Variants in NACAD observed in about 807,000 individuals in gnomAD.
The protein encoded by NACAD is NAC alpha domain containing, also known as NAC-alpha domain-containing protein 1.
In NACAD, 47 loss-of-function variants were observed where a neutral mutation model predicts 98.9. The ratio of observed to expected loss-of-function variants is 0.48; its 90% CI spans 0.38 to 0.61. The LOEUF (loss-of-function observed/expected upper bound fraction) is 0.61. Among genes scored for constraint, NACAD ranks in the 20% least tolerant of loss-of-function variants. The pLI is 0.00. For synonymous variants in NACAD, 696 were observed against 767.2 expected (o/e 0.91, Z 1.53); for missense variants, 1,412 against 1,748.2 (o/e 0.81, Z 3.43).
At position 45,085,560 on chromosome 7, in the gene NACAD, T is replaced by C. The variant is rs1282823500; in HGVS notation, c.620A>G (p.Glu207Gly). The change falls in exon 2 of 8, where the codon GAG (glutamate) becomes GGG (glycine). Residue 207 changes from glutamate (E) to glycine (G), a missense_variant. Physicochemically the swap from Glu to Gly is moderately conservative, Grantham distance 98. Transcript: ENST00000490531. The surrounding 1 kb of genome is among the most constrained non-coding windows in gnomAD (Gnocchi z 6.1). ...TGAGGCGGGGGGCGAGTCCAGCAGC[T>C]CATCCCGCAGCTCAGCCTCTGAGTC... ...ARDSEAELRD[E>G]LLDSPPASPS... 6.5e-7 allele frequency: 1 copy of C among 1,549,860 alleles called. No individual in the cohort carries two copies. Among genetic ancestry groups the C allele is most frequent in the Non-Finnish European group, 8.7e-7 (1 of 1,146,782 alleles).
At chr7:45,086,653 T>TG (rs755464921) in intron 1 of NACAD, among the ~76,000 whole-genome samples, 15 of 152,354 alleles carry the variant, frequency 9.8e-5, no homozygotes, top group South Asian at 2.1e-4. Flanking sequence ...TACCTACACT[T>TG]GAGGCCAACA....
Position 45,080,968 on chromosome 7 carries a change from G to A in NACAD, c.4459C>T (p.Pro1487Ser). Residue 1487 changes from proline to serine, a missense_variant, in exon 6 of 8, where the codon CCC (proline) becomes TCC (serine). Pro to Ser is a moderately conservative substitution (Grantham distance 74). Transcript: ENST00000490531. Reference sequence around the variant, plus strand: ...GGGACCAAGGCTGAGGGCTCTGAGGGCACCTTAAACTTCTCAGCTGCGGCT... The same window carrying A: ...GGGACCAAGGCTGAGGGCTCTGAGGACACCTTAAACTTCTCAGCTGCGGCT... The part of the protein sequence containing the change: ...HKAAAEKFKV[P>S]SEPSALVPES... The A allele has an allele frequency of 6.4e-7, 1 of 1,552,018 alleles. No homozygotes were observed. Among genetic ancestry groups the A allele is most frequent in the Non-Finnish European group, 8.7e-7 (1 of 1,147,168 alleles).
rs765306074 is a variant in NACAD at position 45,081,804 on chromosome 7, A to T, written c.4136T>A (p.Leu1379Gln). ...SDSHGESSAE[L>Q]DEQDILAPQT... Reference sequence around the variant, plus strand: ...AGGAGCCAAGATGTCCTGCTCGTCCAGCTCGGCTGATGACTCCCCGTGGCT... The same window carrying T: ...AGGAGCCAAGATGTCCTGCTCGTCCTGCTCGGCTGATGACTCCCCGTGGCT... Residue 1379 changes from leucine (L) to glutamine (Q), a missense_variant, in exon 3 of 8, where the codon CTG (leucine) becomes CAG (glutamine). Leu to Gln is a moderately radical substitution (Grantham distance 113). Transcript: ENST00000490531. 4 of 1,550,566 alleles carry T rather than the reference A, an allele frequency of 2.6e-6. No individual in the cohort carries two copies. The South Asian group carries it at 4.8e-5, about 18-fold the overall frequency.
At chr7:45,081,413 C>T in intron 4 of NACAD, 150 bp from the exon 5 acceptor site, 1 of 1,268,624 alleles carries the variant, frequency 7.9e-7, no homozygotes, top group Non-Finnish European at 1.1e-6. Flanking sequence ...GAGCCTCAGT[C>T]TATAAGGGCC....
chr7:45,082,438 G>A lies in NACAD; in HGVS notation c.3742C>T (p.Pro1248Ser), dbSNP rs1183791327. The A allele has an allele frequency of 1.3e-6, 2 of 1,548,940 alleles. No individual in the cohort carries two copies. The highest frequency in any genetic ancestry group is 1.7e-6 in the Non-Finnish European group (2 of 1,146,556). Residue 1248 changes from proline (P) to serine (S), a missense_variant, in exon 2 of 8, where the codon CCC becomes TCC. By Grantham distance (74) the Pro-to-Ser change is moderately conservative. Around this residue, in one of 5 missense-constraint regions of NACAD, gnomAD observed 572 missense variants for 639.6 expected, o/e 0.89. Transcript: ENST00000490531. This position sits in a 1 kb window ranked among gnomAD's most constrained non-coding sequence, Gnocchi z 4.5. The part of the protein sequence containing the change: ...AALPPLEPPA[P>S]CLCQDPQEDS... ...TCCTGGGGGTCCTGGCACAGGCAGG[G>A]GGCTGGGGGCTCCAGTGGGGGTAGG...
In NACAD at chr7:45,085,515, G is replaced by T; in HGVS notation, c.665C>A (p.Thr222Lys). 1.3e-6 allele frequency: 2 copies of T among 1,550,794 alleles called. No individual in the cohort carries two copies. The highest frequency in any genetic ancestry group is 1.7e-6 in the Non-Finnish European group (2 of 1,146,946). The stretch of plus-strand genomic sequence containing the variant: ...AGAGGCCCAGCTGTCCCCATCGGCC[G>T]TAATGTAGGAGCCCGAGGGTGAGGC... Reference protein sequence around the residue: ...PPASPSGSYITADGDSWASSP... With the variant: ...PPASPSGSYIKADGDSWASSP... Residue 222 changes from threonine (T) to lysine (K), a missense_variant, in exon 2 of 8, where the codon ACG (threonine) becomes AAG (lysine). Transcript: ENST00000490531. The surrounding 1 kb of genome is among the most constrained non-coding windows in gnomAD (Gnocchi z 6.1).
chr7:45,085,149 G>C lies in NACAD; in HGVS notation c.1031C>G (p.Pro344Arg). ...ACCCTCCCCAGCCAGGTCCCCACCTGGGTCGGGATCCGCCACAGCCTCCTC... is the reference window on the plus strand; with the variant it reads ...ACCCTCCCCAGCCAGGTCCCCACCTCGGTCGGGATCCGCCACAGCCTCCTC... ...EEEEAVADPD[P>R]GGDLAGEGEE... The change falls in exon 2 of 8, where the codon CCA (proline) becomes CGA (arginine). Residue 344 changes from proline to arginine, a missense_variant. This residue lies in a region of NACAD where 638 missense variants were observed against 722.7 expected (regional missense o/e 0.88). Transcript: ENST00000490531. This position sits in a 1 kb window ranked among gnomAD's most constrained non-coding sequence, Gnocchi z 6.1. 1 of 1,550,700 alleles carries C rather than the reference G, an allele frequency of 6.4e-7. No individual in the cohort carries two copies. The highest frequency in any genetic ancestry group is 8.7e-7 in the Non-Finnish European group (1 of 1,146,586).
Position 45,082,019 on chromosome 7 carries a change from C to T in NACAD, c.4072+89G>A. 1.4e-6 allele frequency: 2 copies of T among 1,464,656 alleles called. No homozygotes were observed. Among genetic ancestry groups the T allele is most frequent in the Non-Finnish European group, 1.8e-6 (2 of 1,105,708 alleles). The allele number at this position is 1,464,656 out of a possible 1,614,324, so 90.7% of individuals were successfully genotyped here. A position where few individuals can be genotyped will look rare whatever the true frequency, so the allele number is the denominator to read the frequency against. ...GGGGTCTGGGCCCCCCACCTCGCCA[C>T]CTCAGAGGCCCTCCAGCTCAGGACA... On this transcript the variant is annotated intron_variant, in intron 2 of 7. Coordinates refer to ENST00000490531, the MANE Select transcript of NACAD (RefSeq NM_001146334.2). The surrounding 1 kb of genome is among the most constrained non-coding windows in gnomAD (Gnocchi z 4.5).
In NACAD at chr7:45,083,287, C is replaced by T. The variant is rs1398897246; in HGVS notation, c.2893G>A (p.Ala965Thr). The T allele has an allele frequency of 2.6e-6, 4 of 1,551,048 alleles. No individual in the cohort carries two copies. In the South Asian group the frequency reaches 3.6e-5, roughly 14 times the overall value. ...APGTEPVATM[A>T]QQEVGEALGP... ...AAGGCCTCACCTACTTCCTGCTGAG[C>T]CATGGTGGCCACAGGCTCTGTCCCT... Residue 965 changes from alanine to threonine, a missense_variant, in exon 2 of 8, where the codon GCT becomes ACT. Physicochemically the swap from Ala to Thr is moderately conservative, Grantham distance 58. Coordinates refer to ENST00000490531, the MANE Select transcript of NACAD (RefSeq NM_001146334.2).
In NACAD at chr7:45,085,945, C is replaced by T. The variant is rs748040674; in HGVS notation, c.235G>A (p.Ala79Thr). Residue 79 changes from alanine to threonine, a missense_variant, in exon 2 of 8, where the codon GCA becomes ACA. By Grantham distance (58) the Ala-to-Thr change is moderately conservative. Around this residue, in one of 5 missense-constraint regions of NACAD, gnomAD observed 638 missense variants for 722.7 expected, o/e 0.88. Transcript: ENST00000490531. The surrounding 1 kb of genome is among the most constrained non-coding windows in gnomAD (Gnocchi z 6.1). ...GASWDAGPGG[A>T]PSAWADPGEG... The stretch of plus-strand genomic sequence containing the variant: ...CCTGGGTCCGCCCAGGCCGAGGGTG[C>T]CCCACCAGGCCCTGCATCCCAGCTG... 1.3e-6 allele frequency: 2 copies of T among 1,536,248 alleles called. No homozygotes were observed. The highest frequency in any genetic ancestry group is 1.8e-6 in the Non-Finnish European group (2 of 1,140,296).
rs758959439 is a variant in NACAD, at chr7:45,084,767, C to T, written c.1413G>A (p.Glu471=). 6 of 1,551,138 alleles carry T rather than the reference C, an allele frequency of 3.9e-6. No homozygotes were observed. The highest frequency in any genetic ancestry group is 2.4e-5 in the South Asian group (2 of 84,000). ...RQELISEVTE[E]GLALGQESTA... Reference sequence around the variant, plus strand: ...TGGACTCCTGGCCTAAAGCAAGGCCCTCTTCTGTTACTTCTGAGATCAATT... The same window carrying T: ...TGGACTCCTGGCCTAAAGCAAGGCCTTCTTCTGTTACTTCTGAGATCAATT... Residue 471 remains glutamate, a synonymous_variant, in exon 2 of 8, where the codon GAG becomes GAA. Coordinates refer to ENST00000490531, the MANE Select transcript of NACAD (RefSeq NM_001146334.2).
Position 45,085,555 on chromosome 7 carries a change from G to C in NACAD, c.625C>G (p.Leu209Val). ...DSEAELRDEL[L>V]DSPPASPSGS... is the part of the protein sequence containing the mutation. Reference sequence around the variant, plus strand: ...GAGGGTGAGGCGGGGGGCGAGTCCAGCAGCTCATCCCGCAGCTCAGCCTCT... The same window carrying C: ...GAGGGTGAGGCGGGGGGCGAGTCCACCAGCTCATCCCGCAGCTCAGCCTCT... The change falls in exon 2 of 8, where the codon CTG (leucine) becomes GTG (valine). Residue 209 changes from leucine (L) to valine (V), a missense_variant. Physicochemically the swap from Leu to Val is conservative, Grantham distance 32. This residue lies in a region of NACAD where 638 missense variants were observed against 722.7 expected (regional missense o/e 0.88). Coordinates refer to ENST00000490531, the MANE Select transcript of NACAD (RefSeq NM_001146334.2). The surrounding 1 kb of genome is among the most constrained non-coding windows in gnomAD (Gnocchi z 6.1). 1 of 1,550,282 alleles carries C rather than the reference G, an allele frequency of 6.5e-7. No homozygotes were observed. Among genetic ancestry groups the C allele is most frequent in the Non-Finnish European group, 8.7e-7 (1 of 1,146,852 alleles).
In NACAD at chr7:45,084,954, G is replaced by A. The variant is rs745789464; in HGVS notation, c.1226C>T (p.Pro409Leu). 91 of 1,550,966 alleles carry A rather than the reference G, an allele frequency of 5.9e-5. 1 individual carries two copies. The South Asian group carries it at 1.0e-3, about 18-fold the overall frequency. Residue 409 changes from proline to leucine, a missense_variant, in exon 2 of 8, where the codon CCC becomes CTC. Physicochemically the swap from Pro to Leu is moderately conservative, Grantham distance 98. This residue lies in a region of NACAD where 638 missense variants were observed against 722.7 expected (regional missense o/e 0.88). Coordinates refer to ENST00000490531, the MANE Select transcript of NACAD (RefSeq NM_001146334.2). The stretch of plus-strand genomic sequence containing the variant: ...CTGGAGCAAAGTGGCCTGGGCATGG[G>A]GCTCCCCGCTGTACAGCCTCTCATC... The part of the protein sequence containing the change: ...ADDERLYSGE[P>L]HAQATLLQDS...
Position 45,080,865 on chromosome 7 carries a change from C to T in NACAD, c.4551+11G>A. On this transcript the variant is annotated intron_variant, in intron 6 of 7. Transcript: ENST00000490531. ...CACCCCCTGCGAGGCCCTGGAGCCC[C>T]TGCACTTCACCTCTTCCTCCTCCTC... 6.4e-7 allele frequency: 1 copy of T among 1,555,152 alleles called. No homozygotes were observed. The highest frequency in any genetic ancestry group is 8.7e-7 in the Non-Finnish European group (1 of 1,149,346).
chr7:45,085,331 G>A lies in NACAD; in HGVS notation c.849C>T (p.Asp283=), dbSNP rs1369268997. 3 of 1,550,954 alleles carry A rather than the reference G, an allele frequency of 1.9e-6. No homozygotes were observed. Among genetic ancestry groups the A allele is most frequent in the Middle Eastern group, 1.7e-4 (1 of 5,990 alleles). Residue 283 remains aspartate, a synonymous_variant, in exon 2 of 8, where the codon GAC becomes GAT. Coordinates refer to ENST00000490531, the MANE Select transcript of NACAD (RefSeq NM_001146334.2). The surrounding 1 kb of genome is among the most constrained non-coding windows in gnomAD (Gnocchi z 6.1). ...CCTCCTGGCCCCAGGAGGAGCTGCT[G>A]TCTGCAGAGAGGCTGGACTCAGAGG... ...PPSSESSLSA[D]SSSSWGQEGH...
Position 45,083,285 on chromosome 7 carries a change from A to C in NACAD, c.2895T>G (p.Ala965=), listed in dbSNP as rs776350027. 1 of 1,551,118 alleles carries C rather than the reference A, an allele frequency of 6.4e-7. No individual in the cohort carries two copies. Among genetic ancestry groups the C allele is most frequent in the Non-Finnish European group, 8.7e-7 (1 of 1,147,002 alleles). ...CTAAGGCCTCACCTACTTCCTGCTGAGCCATGGTGGCCACAGGCTCTGTCC... is the reference window on the plus strand; with the variant it reads ...CTAAGGCCTCACCTACTTCCTGCTGCGCCATGGTGGCCACAGGCTCTGTCC... ...APGTEPVATM[A]QQEVGEALGP... Residue 965 remains alanine (A), a synonymous_variant, in exon 2 of 8, where the codon GCT becomes GCG. Coordinates refer to ENST00000490531, the MANE Select transcript of NACAD (RefSeq NM_001146334.2).
rs962230144 is a variant in NACAD, at chr7:45,082,209, G to A, written c.3971C>T (p.Pro1324Leu). The A allele has an allele frequency of 8.5e-6, 13 of 1,538,126 alleles. No individual in the cohort carries two copies. The African/African-American group carries it at 1.4e-4, about 16-fold the overall frequency. The stretch of plus-strand genomic sequence containing the variant: ...AGAGGGAGGAGGCACTTGGCAAGGC[G>A]GCAAGATCTGCAAGGCCAGGTCTTT... ...DAKDLALQIL[P>L]PCQVPPPSGP... The change falls in exon 2 of 8, where the codon CCG becomes CTG. Residue 1324 changes from proline (P) to leucine (L), a missense_variant. By Grantham distance (98) the Pro-to-Leu change is moderately conservative. Around this residue, in one of 5 missense-constraint regions of NACAD, gnomAD observed 572 missense variants for 639.6 expected, o/e 0.89. Transcript: ENST00000490531. This position sits in a 1 kb window ranked among gnomAD's most constrained non-coding sequence, Gnocchi z 4.5.
At position 45,085,241 on chromosome 7, in the gene NACAD, G is replaced by A. The variant is rs1233047079; in HGVS notation, c.939C>T (p.Phe313=). 1.0e-5 allele frequency: 16 copies of A among 1,551,418 alleles called. No individual in the cohort carries two copies. The highest frequency in any genetic ancestry group is 1.3e-5 in the Non-Finnish European group (15 of 1,146,928). The change falls in exon 2 of 8, where the codon TTC becomes TTT. Residue 313 remains phenylalanine (F), a synonymous_variant. Coordinates refer to ENST00000490531, the MANE Select transcript of NACAD (RefSeq NM_001146334.2). The surrounding 1 kb of genome is among the most constrained non-coding windows in gnomAD (Gnocchi z 6.1). ...DPMIPAALLP[F]QGSLIFQVEA... Reference sequence around the variant, plus strand: ...CCACCTGAAAGATGAGGCTGCCCTGGAAGGGTAGGAGGGCTGCGGGGATCA... The same window carrying A: ...CCACCTGAAAGATGAGGCTGCCCTGAAAGGGTAGGAGGGCTGCGGGGATCA...
chr7:45,088,833 C>A lies in NACAD; in HGVS notation c.62G>T (p.Arg21Leu). 6.7e-7 allele frequency: 1 copy of A among 1,490,864 alleles called. No individual in the cohort carries two copies. The highest frequency in any genetic ancestry group is 1.3e-5 in the South Asian group (1 of 79,976). The allele number at this position is 1,490,864 out of a possible 1,614,324, so 92.4% of individuals were successfully genotyped here. The part of the protein sequence containing the change: ...LLPEADRPGP[R>L]TDLSCDAAAA... ...AAGAGTGGCCACGGCCTCACCTGTG[C>A]GGGGCCCGGGTCGGTCCGCCTCGGG... The change falls in exon 1 of 8, where the codon CGC (arginine) becomes CTC (leucine). Residue 21 changes from arginine (R) to leucine (L), a missense_variant. By Grantham distance (102) the Arg-to-Leu change is moderately radical. This residue lies in a region of NACAD where 638 missense variants were observed against 722.7 expected (regional missense o/e 0.88). Coordinates refer to ENST00000490531, the MANE Select transcript of NACAD (RefSeq NM_001146334.2). The surrounding 1 kb of genome is among the most constrained non-coding windows in gnomAD (Gnocchi z 5.7).
Sources: gnomAD v4.1 joint callset for allele counts (sites outside exome capture counted in the v4.1 genomes callset) on GRCh38, gnomAD v4.1.1 for gene constraint, gnomAD v4.1.1 regional missense constraint, Gnocchi (gnomAD v3.1) non-coding constraint, MANE v1.5 for transcripts, NCBI Gene and HGNC (gene_info 2026-07-23, HGNC 2026-07-21) for gene names.